KIAA1217: variants seen among roughly 807,000 people sequenced by gnomAD.
KIAA1217 encodes the protein sickle tail protein homolog.
Under a neutral mutation model 163.9 loss-of-function variants are expected in KIAA1217, and 88 were observed. That is an observed-to-expected ratio of 0.54 (90% CI 0.45 to 0.64). The LOEUF (loss-of-function observed/expected upper bound fraction) is 0.64. Ranked by LOEUF, KIAA1217 falls within the 30% of genes least tolerant of loss-of-function variation. KIAA1217 has a pLI of 0.00. For synonymous variants in KIAA1217, 903 were observed against 923.1 expected (o/e 0.98, Z 0.39); for missense variants, 2,372 against 2,475.0 (o/e 0.96, Z 0.88).
At chr10:24,163,229 T>TA (rs1367068266) in intron 2 of KIAA1217, among the ~76,000 whole-genome samples, 1 of 152,228 alleles carries the variant, frequency 6.6e-6, no homozygotes, top group African/African-American at 2.4e-5. Flanking sequence ...GTGGCAAGAC[T>TA]AGTAGACTGC....
chr10:24,405,922 G>T (rs2057160319), intron 3 of KIAA1217, among the ~76,000 whole-genome samples: 3 of 152,198 alleles, frequency 2.0e-5, no homozygotes, highest in African/African-American at 4.8e-5. Context: ...GCAGTGTTTT[G>T]AAGGTGAAGT....
At chr10:23,832,947 T>A (rs1239582052) in intron 1 of KIAA1217, among the ~76,000 whole-genome samples, 1 of 152,092 alleles carries the variant, frequency 6.6e-6, no homozygotes, top group Non-Finnish European at 1.5e-5. Flanking sequence ...TGAGACTTAT[T>A]CACTATCATG....
intron 3 of KIAA1217, among the ~76,000 whole-genome samples, chr10:24,417,239 G>A (rs923187270): frequency 6.6e-6 from 1 of 152,110 alleles, no homozygotes; most frequent in African/African-American, 2.4e-5. Context: ...AGAAGAAGCT[G>A]AGAAAAATCT....
chr10:24,400,804 G>C (rs550453924), intron 3 of KIAA1217, among the ~76,000 whole-genome samples: 22 of 152,146 alleles, frequency 1.4e-4, no homozygotes, highest in Admixed American at 9.8e-4. Context: ...CAAGCAACCA[G>C]GGCCACCTAT....
chr10:24,538,732 G>GGTT (rs1554943297), intron 17 of KIAA1217, among the ~76,000 whole-genome samples: 5 of 87,752 alleles, frequency 5.7e-5, no homozygotes, highest in African/African-American at 2.2e-4. Context: ...ATTGTTTTTG[G>GGTT]TTTTTTTTTT....
intron 2 of KIAA1217, among the ~76,000 whole-genome samples, chr10:24,086,376 G>A (rs562308417): frequency 1.3e-5 from 2 of 152,296 alleles, no homozygotes; most frequent in Admixed American, 6.5e-5. Flanking sequence ...ACTGACATTA[G>A]CCAGAATATT....
Position 24,282,197 on chromosome 10 carries a change from C to T in KIAA1217, c.354+62288C>T, listed in dbSNP as rs370953644. ...AGCCTGGGCAACATAGAGACCTCAC[C>T]TCTACAAAATTTTTTTTTCAAAAAA... On this transcript the variant is annotated intron_variant, in intron 2 of 20. Coordinates refer to ENST00000376454, the MANE Select transcript of KIAA1217 (RefSeq NM_019590.5). Among the ~76,000 whole-genome samples, 201 of 78,694 alleles carry T rather than the reference C, an allele frequency of 2.6e-3. 2 individuals carry two copies. Among genetic ancestry groups the T allele is most frequent in the African/African-American group, 0.01 (180 of 17,894 alleles). 51.6% of individuals were successfully genotyped at this position (78,694 alleles called of 152,430 possible).
At chr10:24,047,419 G>A (rs1298272697) in intron 2 of KIAA1217, among the ~76,000 whole-genome samples, 1 of 152,154 alleles carries the variant, frequency 6.6e-6, no homozygotes, top group Non-Finnish European at 1.5e-5. Flanking sequence ...ATAATAATAT[G>A]TGGTTTATGG....
At chr10:24,207,124 G>A (rs1484288434), upstream of KIAA1217, among the ~76,000 whole-genome samples, 1 of 152,098 alleles carries the variant, frequency 6.6e-6, no homozygotes, top group African/African-American at 2.4e-5. Flanking sequence ...CTTCATCCTG[G>A]GGTTTTTGCC....
intron 2 of KIAA1217, among the ~76,000 whole-genome samples, chr10:24,089,609 T>C (rs915300822): frequency 1.3e-5 from 2 of 151,940 alleles, no homozygotes; most frequent in East Asian, 3.9e-4. Flanking sequence ...TAGTTGTAGA[T>C]GTGTGGCATT....
chr10:24,127,541 C>A (rs2131797614), intron 2 of KIAA1217, among the ~76,000 whole-genome samples: 1 of 152,236 alleles, frequency 6.6e-6, no homozygotes, highest in Non-Finnish European at 1.5e-5. Flanking sequence ...CCTTTTACAG[C>A]CGGTGTACAG....
At chr10:24,373,526 T>C (rs7097908) in intron 2 of KIAA1217, among the ~76,000 whole-genome samples, 24,625 of 151,934 alleles carry the variant, frequency 0.16, 2,298 homozygotes, top group South Asian at 0.31. Flanking sequence ...TCCCAGGAGG[T>C]GATGGCTAGC....
Position 24,528,027 on chromosome 10 carries a change from A to G in KIAA1217, c.2990A>G (p.Asn997Ser). 2 of 1,614,078 alleles carry G rather than the reference A, an allele frequency of 1.2e-6. No homozygotes were observed. ...FEKLLEEAQA[N>S]IMKSIPNLEM... ...AAGCTCCTAGAAGAAGCTCAGGCCA[A>G]TATCATGAAGTCAATACCAAATCTG... The change falls in exon 14 of 21, where the codon AAT becomes AGT. Residue 997 changes from asparagine (N) to serine (S), a missense_variant. By Grantham distance (46) the Asn-to-Ser change is conservative. Around this residue, in one of 3 missense-constraint regions of KIAA1217, gnomAD observed 1,431 missense variants for 1,470.3 expected, o/e 0.97. Transcript: ENST00000376454.
chr10:24,104,180 G>A (rs568058595), intron 2 of KIAA1217, among the ~76,000 whole-genome samples: 1 of 152,234 alleles, frequency 6.6e-6, no homozygotes, highest in African/African-American at 2.4e-5. Flanking sequence ...CCAAAGAGAA[G>A]TTGAAAACTT....
chr10:24,386,101 C>A lies in KIAA1217; in HGVS notation c.553+5034C>A, dbSNP rs148863649. 5.6e-3 allele frequency among the ~76,000 whole-genome samples: 848 copies of A among 152,318 alleles called. 4 individuals are homozygous for A. The highest frequency in any genetic ancestry group is 0.014 in the Middle Eastern group (4 of 294). Reference sequence around the variant, plus strand: ...AGCAACTTCTTGATGCAGACAGATTCCTTTGTTGACCATATTCTGAATGCA... The same window carrying A: ...AGCAACTTCTTGATGCAGACAGATTACTTTGTTGACCATATTCTGAATGCA... On this transcript the variant is annotated intron_variant, in intron 3 of 20. Coordinates refer to ENST00000376454, the MANE Select transcript of KIAA1217 (RefSeq NM_019590.5).
At chr10:24,389,405 G>T (rs934370133) in intron 3 of KIAA1217, among the ~76,000 whole-genome samples, 16 of 152,014 alleles carry the variant, frequency 1.1e-4, no homozygotes, top group Non-Finnish European at 2.4e-4. Context: ...CTGTGGTGGG[G>T]TGGGGGAATG....
At chr10:23,808,952 A>G (rs1356006530) in intron 1 of KIAA1217, among the ~76,000 whole-genome samples, 2 of 152,134 alleles carry the variant, frequency 1.3e-5, no homozygotes, top group Admixed American at 6.6e-5. Flanking sequence ...CAAGGAAGGG[A>G]TGTTAGATAA....
chr10:24,360,759 G>A (rs1167434853), intron 2 of KIAA1217, among the ~76,000 whole-genome samples: 1 of 152,152 alleles, frequency 6.6e-6, no homozygotes, highest in East Asian at 1.9e-4. Context: ...ACAGAATGAT[G>A]GCCAAATGAC....
chr10:23,705,444 G>A (rs116095661), intron 1 of KIAA1217, among the ~76,000 whole-genome samples: 2,332 of 152,188 alleles, frequency 0.015, 28 homozygotes, highest in Middle Eastern at 0.071. Context: ...GTGTGAGGAA[G>A]GGATTCAACT....
Sources: allele counts gnomAD v4.1 joint callset (sites outside exome capture counted in the v4.1 genomes callset), GRCh38; gene constraint gnomAD v4.1.1; regional missense constraint gnomAD v4.1.1; transcripts MANE v1.5; gene names NCBI Gene and HGNC (gene_info 2026-07-23, HGNC 2026-07-21).